TRAPPC12: variants seen among roughly 807,000 people sequenced by gnomAD.
TRAPPC12 encodes the protein TPR repeat protein 15.
A neutral mutation model predicts 69.2 loss-of-function variants in TRAPPC12; 61 were observed. That is an observed-to-expected ratio of 0.88 (90% confidence interval 0.72 to 1.09). The LOEUF is 1.09. TRAPPC12 is among the 50% of genes least tolerant of loss of function. The probability of loss-of-function intolerance (pLI) is 0.00; values close to 1 mark genes in which losing one functional copy is unlikely to be tolerated. For missense variants in TRAPPC12, 1,101 were observed against 1,016.4 expected (o/e 1.08, Z -1.13); for synonymous variants, 469 against 438.9 (o/e 1.07, Z -0.86).
At chr2:3,465,736 G>C (rs766780761) in intron 9 of TRAPPC12, 41 bp downstream of exon 9, 1 of 1,381,126 alleles carries the variant, frequency 7.2e-7, no homozygotes. Flanking sequence ...AAGGCCTTAT[G>C]ATAGTTCTTT....
chr2:3,426,810 C>T (rs963693333), intron 5 of TRAPPC12, among the ~76,000 whole-genome samples: 3 of 152,230 alleles, frequency 2.0e-5, no homozygotes, highest in African/African-American at 4.8e-5. Flanking sequence ...CCCAAAGTTC[C>T]GTCCAGTCCG....
chr2:3,443,279 G>A lies in TRAPPC12; in HGVS notation c.1418-500G>A, dbSNP rs115906313. 5.9e-3 allele frequency among the ~76,000 whole-genome samples: 900 copies of A among 152,356 alleles called. 7 individuals carry two copies. Among genetic ancestry groups the A allele is most frequent in the African/African-American group, 0.02 (811 of 41,580 alleles). On this transcript the variant is annotated intron_variant, in intron 5 of 11. Transcript: ENST00000324266. ...CATCCCCAGGGCCGAGGCCTGAGAC[G>A]CACCTGTGCTCAGTTTCGCCTCCTC...
rs371685284 is a variant in TRAPPC12, at chr2:3,388,559, C to T, written c.936C>T (p.Pro312=). 7.4e-4 allele frequency: 1,188 copies of T among 1,612,888 alleles called. 11 individuals are homozygous for T. In the South Asian group the frequency reaches 0.012, roughly 16 times the overall value. Residue 312 remains proline, a synonymous_variant, in exon 2 of 12, where the codon CCC becomes CCT. Transcript: ENST00000324266. ...EMDRRNDAWL[P]GEATRGVLRA... Reference sequence around the variant, plus strand: ...ACCGGAGGAACGACGCCTGGCTTCCCGGCGAGGCTACGCGTGGAGTCCTGC... The same window carrying T: ...ACCGGAGGAACGACGCCTGGCTTCCTGGCGAGGCTACGCGTGGAGTCCTGC...
chr2:3,390,635 A>G (rs1307420302), intron 2 of TRAPPC12, among the ~76,000 whole-genome samples: 2 of 152,228 alleles, frequency 1.3e-5, no homozygotes, highest in African/African-American at 4.8e-5. Flanking sequence ...CAATGAAACT[A>G]TTCCGTGTGA....
intron 2 of TRAPPC12, among the ~76,000 whole-genome samples, chr2:3,398,534 G>A (rs2103460374): frequency 6.6e-6 from 1 of 152,326 alleles, no homozygotes; most frequent in Middle Eastern, 3.4e-3. Context: ...AGGTGCAGGG[G>A]CTGCTGCCTT....
At chr2:3,458,484 C>A in intron 7 of TRAPPC12, 4 of 983,526 alleles carry the variant, frequency 4.1e-6, no homozygotes, top group Non-Finnish European at 4.8e-6. Context: ...TTCTGGGGAA[C>A]TGCTGGCTGG....
At chr2:3,457,150 C>A in intron 6 of TRAPPC12, 1 of 462,920 alleles carries the variant, frequency 2.2e-6, no homozygotes. Context: ...TTGTTTGCAG[C>A]AACATGGATA....
At chr2:3,418,053 A>C (rs1460818692) in intron 3 of TRAPPC12, among the ~76,000 whole-genome samples, 2 of 128,942 alleles carry the variant, frequency 1.6e-5, no homozygotes, top group East Asian at 4.0e-4. Context: ...AAAAAAAAAA[A>C]AAAAAACATT....
intron 6 of TRAPPC12, among the ~76,000 whole-genome samples, chr2:3,453,244 T>C (rs1415822442): frequency 6.6e-6 from 1 of 152,192 alleles, no homozygotes; most frequent in Non-Finnish European, 1.5e-5. Context: ...TCCCCGGTAC[T>C]TCCCAGCAGG....
intron 10 of TRAPPC12, 25 bp from the exon 11 acceptor site, chr2:3,478,821 A>T (rs767401852): frequency 2.6e-4 from 424 of 1,610,458 alleles, no homozygotes; most frequent in Admixed American, 4.3e-4. Flanking sequence ...TTCCCCGCTA[A>T]CTGCCACCGT....
At chr2:3,421,808 C>G (rs920919277) in intron 3 of TRAPPC12, 73 bp from the exon 4 acceptor site, 1 of 1,351,128 alleles carries the variant, frequency 7.4e-7, no homozygotes, top group African/African-American at 1.4e-5. Context: ...TGGCCAGTGG[C>G]TATGCGTTTG....
intron 8 of TRAPPC12, among the ~76,000 whole-genome samples, chr2:3,462,087 G>GACGTTTCACTAAT (rs1665538897): frequency 6.6e-6 from 1 of 152,240 alleles, no homozygotes; most frequent in African/African-American, 2.4e-5. Context: ...TCACAGGACT[G>GACGTTTCACTAAT]ACGTTTCACT....
At chr2:3,441,205 T>G (rs976436845) in intron 5 of TRAPPC12, among the ~76,000 whole-genome samples, 1 of 152,206 alleles carries the variant, frequency 6.6e-6, no homozygotes, top group African/African-American at 2.4e-5. Context: ...CAGACTCATA[T>G]AAGAAGTTAG....
chr2:3,428,848 G>A (rs1349531451), intron 5 of TRAPPC12, among the ~76,000 whole-genome samples: 1 of 152,196 alleles, frequency 6.6e-6, no homozygotes, highest in Non-Finnish European at 1.5e-5. Context: ...GGCCCCCAAA[G>A]CCACAAGAAG....
chr2:3,387,851 C>G lies in TRAPPC12; in HGVS notation c.228C>G (p.Pro76=). The G allele has an allele frequency of 1.9e-6, 3 of 1,603,584 alleles. No homozygotes were observed. Among genetic ancestry groups the G allele is most frequent in the Non-Finnish European group, 1.7e-6 (2 of 1,172,304 alleles). ...MMESVLISDS[P]NSEGDAGDLG... ...AGAGCGTCCTCATCTCTGACTCCCC[C>G]AACAGCGAGGGCGACGCGGGCGACC... Residue 76 remains proline, a synonymous_variant, in exon 2 of 12, where the codon CCC becomes CCG. Coordinates refer to ENST00000324266, the MANE Select transcript of TRAPPC12 (RefSeq NM_016030.6).
chr2:3,384,062 ATT>A (rs1164104523), intron 1 of TRAPPC12, among the ~76,000 whole-genome samples: 1 of 151,534 alleles, frequency 6.6e-6, no homozygotes, highest in Non-Finnish European at 1.5e-5. Context: ...CACCTGGCTA[ATT>A]TTTGTATATT....
intron 2 of TRAPPC12, among the ~76,000 whole-genome samples, chr2:3,399,836 A>C (rs529876115): frequency 3.3e-5 from 5 of 150,304 alleles, no homozygotes; most frequent in African/African-American, 7.3e-5. Context: ...GCCGCCAAAA[A>C]AAAAAGGGTA....
At chr2:3,445,112 A>G (rs1664438861) in intron 6 of TRAPPC12, among the ~76,000 whole-genome samples, 1 of 152,230 alleles carries the variant, frequency 6.6e-6, no homozygotes, top group Admixed American at 6.5e-5. Flanking sequence ...TTTGAGAGAG[A>G]AAATTCTGGG....
chr2:3,404,829 G>C (rs1022641917), intron 3 of TRAPPC12, among the ~76,000 whole-genome samples: 1 of 150,704 alleles, frequency 6.6e-6, no homozygotes, highest in African/African-American at 2.4e-5. Context: ...TCAGAATGTT[G>C]GGTTTAAAGA....
Sources: allele counts gnomAD v4.1 joint callset (sites outside exome capture counted in the v4.1 genomes callset), GRCh38; gene constraint gnomAD v4.1.1; transcripts MANE v1.5; gene names NCBI Gene and HGNC (gene_info 2026-07-23, HGNC 2026-07-21).